GPC5: variants seen among roughly 807,000 people sequenced by gnomAD.
GPC5 encodes the protein glypican 5.
GPC5 carries 47 observed loss-of-function variants against 53.9 expected under a neutral mutation model. The observed-to-expected ratio is 0.87, with a 90% CI of 0.69 to 1.11. The LOEUF (loss-of-function observed/expected upper bound fraction) is 1.11, where lower values mean the gene tolerates loss of function less well. Among genes scored for constraint, GPC5 ranks in the 50% most tolerant of loss-of-function variants. The pLI is 0.00. For synonymous variants in GPC5, 286 were observed against 263.3 expected (o/e 1.09, Z -0.84); for missense variants, 748 against 713.1 (o/e 1.05, Z -0.56).
intron 7 of GPC5, among the ~76,000 whole-genome samples, chr13:92,864,360 A>T (rs1237712023): frequency 6.6e-6 from 1 of 152,172 alleles, no homozygotes; most frequent in African/African-American, 2.4e-5. Context: ...CAGGCATAAG[A>T]TTTAACATCT....
At chr13:92,715,007 G>A (rs1192751384) in intron 7 of GPC5, among the ~76,000 whole-genome samples, 1 of 152,144 alleles carries the variant, frequency 6.6e-6, no homozygotes, top group Non-Finnish European at 1.5e-5. Flanking sequence ...AGAAGTTGCA[G>A]TGAGCCAAGA....
intron 7 of GPC5, among the ~76,000 whole-genome samples, chr13:92,337,221 G>A (rs71427557): frequency 0.01 from 1,516 of 150,500 alleles, 26 homozygotes; most frequent in Middle Eastern, 0.049. Context: ...AAAAGAAATA[G>A]GTACACATTG....
intron 5 of GPC5, among the ~76,000 whole-genome samples, chr13:91,907,503 T>TCTCTCTATA (rs2039566577): frequency 5.4e-5 from 7 of 129,554 alleles, no homozygotes; most frequent in African/African-American, 1.8e-4. Flanking sequence ...CTCTCTCTCT[T>TCTCTCTATA]TATATATATA....
intron 1 of GPC5, among the ~76,000 whole-genome samples, chr13:91,427,532 A>G (rs1879145064): frequency 6.6e-6 from 1 of 152,220 alleles, no homozygotes; most frequent in African/African-American, 2.4e-5. Flanking sequence ...CATTTACCCA[A>G]TGCCTGTAAT....
chr13:91,942,523 C>G (rs2039936798), intron 6 of GPC5, among the ~76,000 whole-genome samples: 1 of 151,990 alleles, frequency 6.6e-6, no homozygotes, highest in South Asian at 2.1e-4. Context: ...TACTTTCATA[C>G]TTGGAAGTGT....
At chr13:91,962,655 C>A (rs1004347778) in intron 6 of GPC5, among the ~76,000 whole-genome samples, 1 of 152,008 alleles carries the variant, frequency 6.6e-6, no homozygotes, top group African/African-American at 2.4e-5. Context: ...ATAAAATGGA[C>A]TCTCAGTAGT....
chr13:92,104,838 A>C (rs1476557277), intron 6 of GPC5, among the ~76,000 whole-genome samples: 1 of 152,126 alleles, frequency 6.6e-6, no homozygotes, highest in Non-Finnish European at 1.5e-5. Flanking sequence ...TTGGGGTGAC[A>C]GGTATAACAT....
At chr13:92,704,899 GTA>G (rs573422127) in intron 7 of GPC5, among the ~76,000 whole-genome samples, 2 of 90,862 alleles carry the variant, frequency 2.2e-5, no homozygotes, top group African/African-American at 3.9e-5. Context: ...ATATATATGA[GTA>G]TATATATATA....
At chr13:92,565,098 T>G (rs1029267634) in intron 7 of GPC5, among the ~76,000 whole-genome samples, 14 of 152,206 alleles carry the variant, frequency 9.2e-5, no homozygotes, top group Admixed American at 5.2e-4. Context: ...TCATAAGCCA[T>G]TCTGGAGTCC....
At chr13:91,651,030 ATTTATAT>A (rs1473046303) in intron 2 of GPC5, among the ~76,000 whole-genome samples, 1 of 152,072 alleles carries the variant, frequency 6.6e-6, no homozygotes, top group African/African-American at 2.4e-5. Context: ...CTCAGTAGTG[ATTTATAT>A]TTGGCAAGAG....
At chr13:91,648,358 G>GTTT (rs35289946) in intron 2 of GPC5, among the ~76,000 whole-genome samples, 8,572 of 148,710 alleles carry the variant, frequency 0.058, 801 homozygotes, top group African/African-American at 0.2. Flanking sequence ...ATTAAGACAG[G>GTTT]TTTTTTTTTT....
intron 6 of GPC5, among the ~76,000 whole-genome samples, chr13:92,090,694 A>G (rs1446912227): frequency 6.6e-6 from 1 of 152,180 alleles, no homozygotes; most frequent in Non-Finnish European, 1.5e-5. Context: ...TCCTCTAACT[A>G]CTTTTAAAGT....
intron 7 of GPC5, among the ~76,000 whole-genome samples, chr13:92,834,008 T>A (rs1299927096): frequency 2.0e-5 from 3 of 152,148 alleles, no homozygotes; most frequent in African/African-American, 4.8e-5. Flanking sequence ...TTTGAATTTT[T>A]GTTGCCCTAG....
chr13:92,148,671 A>G (rs948813357), intron 7 of GPC5, among the ~76,000 whole-genome samples: 6 of 152,028 alleles, frequency 3.9e-5, no homozygotes, highest in Admixed American at 3.9e-4. Context: ...GCAGGATTGG[A>G]ATGGCTTTGA....
At chr13:92,764,447 C>A (rs1178838044) in intron 7 of GPC5, among the ~76,000 whole-genome samples, 1 of 152,190 alleles carries the variant, frequency 6.6e-6, no homozygotes, top group African/African-American at 2.4e-5. Context: ...AGGAACACAG[C>A]CATATGGACT....
chr13:92,729,597 T>C (rs1351439467), intron 7 of GPC5, among the ~76,000 whole-genome samples: 3 of 151,436 alleles, frequency 2.0e-5, no homozygotes, highest in African/African-American at 7.3e-5. Flanking sequence ...CTGTAGACCA[T>C]AAAATTAGCC....
At chr13:91,670,308 C>A (rs769890815) in intron 2 of GPC5, among the ~76,000 whole-genome samples, 1 of 152,110 alleles carries the variant, frequency 6.6e-6, no homozygotes, top group Non-Finnish European at 1.5e-5. Flanking sequence ...TGGATTAGAA[C>A]TAGGAGAGAA....
At chr13:91,440,346 A>T (rs976214075) in intron 1 of GPC5, among the ~76,000 whole-genome samples, 2 of 152,208 alleles carry the variant, frequency 1.3e-5, no homozygotes, top group South Asian at 4.2e-4. Context: ...TTTTCTGCGG[A>T]TCTATCTTCA....
At chr13:92,744,730 G>A (rs1384587826) in intron 7 of GPC5, among the ~76,000 whole-genome samples, 1 of 152,050 alleles carries the variant, frequency 6.6e-6, no homozygotes, top group African/African-American at 2.4e-5. Flanking sequence ...ATAGCAGTGG[G>A]TGATGGGAGT....
Sources: gnomAD v4.1 joint callset for allele counts (sites outside exome capture counted in the v4.1 genomes callset) on GRCh38, gnomAD v4.1.1 for gene constraint, MANE v1.5 for transcripts, NCBI Gene and HGNC (gene_info 2026-07-23, HGNC 2026-07-21) for gene names.